Variants in PLD5 observed in about 807,000 individuals in gnomAD.
PLD5 encodes inactive phospholipase D5.
A neutral mutation model predicts 61.1 loss-of-function variants in PLD5; 36 were observed. The ratio of observed to expected loss-of-function variants is 0.59; its 90% CI spans 0.45 to 0.78. The LOEUF is 0.78. PLD5 is among the 30% of genes least tolerant of loss of function. The pLI is 0.00. For synonymous variants in PLD5, 243 were observed against 242.8 expected, an observed-to-expected ratio of 1.00 and a Z score of -0.01; for missense variants, 515 against 644.4, an observed-to-expected ratio of 0.80 and a Z score of 2.17.
intron 5 of PLD5, among the ~76,000 whole-genome samples, chr1:242,163,146 T>TA (rs1665984273): frequency 7.3e-6 from 1 of 137,014 alleles, no homozygotes; most frequent in Non-Finnish European, 1.6e-5. Context: ...TCTTTTCTTT[T>TA]CTTTCTTTTC....
chr1:242,381,409 AG>A (rs71570956), intron 1 of PLD5, among the ~76,000 whole-genome samples: 7 of 152,028 alleles, frequency 4.6e-5, no homozygotes, highest in South Asian at 4.1e-4. Flanking sequence ...GGGGTGAGGG[AG>A]GGGGAAGGAG....
chr1:242,228,643 A>G (rs536466455), intron 4 of PLD5, among the ~76,000 whole-genome samples: 10 of 149,946 alleles, frequency 6.7e-5, no homozygotes, highest in Non-Finnish European at 1.3e-4. Flanking sequence ...AGCTTCAGAG[A>G]ATGAGGGAGG....
chr1:242,182,595 C>T (rs573009389), intron 5 of PLD5, among the ~76,000 whole-genome samples: 1 of 152,294 alleles, frequency 6.6e-6, no homozygotes, highest in Non-Finnish European at 1.5e-5. Flanking sequence ...GTAATTCCAG[C>T]ACTTTGGGAG....
intron 1 of PLD5, among the ~76,000 whole-genome samples, chr1:242,475,441 A>AAG (rs1313264112): frequency 2.7e-5 from 4 of 150,128 alleles, no homozygotes; most frequent in African/African-American, 9.9e-5. Context: ...AAAAAAAAAA[A>AAG]GAAAACAATA....
At chr1:242,281,239 C>G (rs1481287431) in intron 3 of PLD5, among the ~76,000 whole-genome samples, 1 of 152,170 alleles carries the variant, frequency 6.6e-6, no homozygotes, top group African/African-American at 2.4e-5. Context: ...TTTGATGAAA[C>G]AAAAGCCCTT....
At chr1:242,360,339 A>T (rs1214179521) in intron 1 of PLD5, among the ~76,000 whole-genome samples, 1 of 152,136 alleles carries the variant, frequency 6.6e-6, no homozygotes. Flanking sequence ...AAAAAACATA[A>T]ATTTTGTAAT....
chr1:242,433,450 A>G (rs1292056917), intron 1 of PLD5, among the ~76,000 whole-genome samples: 1 of 152,230 alleles, frequency 6.6e-6, no homozygotes, highest in Non-Finnish European at 1.5e-5. Flanking sequence ...TTATGCAAAT[A>G]CAGCAATCTA....
At chr1:242,527,084 A>G (rs1669463246), upstream of PLD5, among the ~76,000 whole-genome samples, 1 of 139,394 alleles carries the variant, frequency 7.2e-6, no homozygotes, top group African/African-American at 2.7e-5. Flanking sequence ...GACTATACAT[A>G]GTGACTGCAG....
chr1:242,319,326 A>C (rs1658232397), intron 2 of PLD5, among the ~76,000 whole-genome samples: 3 of 151,332 alleles, frequency 2.0e-5, no homozygotes, highest in Admixed American at 2.0e-4. Context: ...TGACCTCCAG[A>C]CTGATTATTT....
At chr1:242,333,947 CTGCAATACACATGGGCA>C (rs1659347503) in intron 2 of PLD5, among the ~76,000 whole-genome samples, 1 of 152,154 alleles carries the variant, frequency 6.6e-6, no homozygotes, top group Non-Finnish European at 1.5e-5. Context: ...GTGAATAGTG[CTGCAATACACATGGGCA>C]TGCAGATAAC....
At position 242,224,548 on chromosome 1, in the gene PLD5, C is replaced by T. The variant is rs1377349955; in HGVS notation, c.608-4433G>A. ...GAAACATGGAGTAATTTATGAGAGCCGCTCGTCAATATTCACGGGGGTTAT... is the reference window on the plus strand; with the variant it reads ...GAAACATGGAGTAATTTATGAGAGCTGCTCGTCAATATTCACGGGGGTTAT... On this transcript the variant is annotated intron_variant, in intron 4 of 9. Transcript: ENST00000536534. Among the ~76,000 whole-genome samples the T allele has an allele frequency of 4.0e-5, 6 of 151,858 alleles. 1 individual carries two copies. Among genetic ancestry groups the T allele is most frequent in the South Asian group, 4.2e-4 (2 of 4,788 alleles).
chr1:242,151,540 A>G (rs1435955), intron 5 of PLD5, among the ~76,000 whole-genome samples: 127,969 of 151,938 alleles, frequency 0.84, 54,387 homozygotes, highest in African/African-American at 0.95. Flanking sequence ...TCTTGTCAAT[A>G]TTCCTATATG....
At chr1:242,385,378 G>C (rs185349599) in intron 1 of PLD5, among the ~76,000 whole-genome samples, 42 of 152,182 alleles carry the variant, frequency 2.8e-4, no homozygotes, top group Middle Eastern at 3.4e-3. Flanking sequence ...TAGATCGATT[G>C]TATTACCATT....
intron 2 of PLD5, among the ~76,000 whole-genome samples, chr1:242,336,572 C>T (rs1476928312): frequency 3.9e-5 from 6 of 152,148 alleles, no homozygotes; most frequent in African/African-American, 7.2e-5. Flanking sequence ...AAAAAAGGGA[C>T]TGATACATAA....
intron 4 of PLD5, among the ~76,000 whole-genome samples, chr1:242,241,118 A>G (rs1671972128): frequency 1.3e-5 from 2 of 152,094 alleles, no homozygotes; most frequent in African/African-American, 4.8e-5. Context: ...AGACTCACAA[A>G]ATGTAAAATT....
intron 3 of PLD5, among the ~76,000 whole-genome samples, chr1:242,284,843 T>C (rs896219588): frequency 6.6e-6 from 1 of 152,152 alleles, no homozygotes; most frequent in Non-Finnish European, 1.5e-5. Flanking sequence ...TTAATCCATT[T>C]AATTCCCAAA....
rs1054537691 is a variant in PLD5 at position 242,170,063 on chromosome 1, A to G, written c.736-45398T>C. 5.9e-5 allele frequency among the ~76,000 whole-genome samples: 9 copies of G among 152,344 alleles called. No individual in the cohort carries two copies. In the South Asian group the frequency reaches 1.9e-3, roughly 32 times the overall value. On this transcript the variant is annotated intron_variant, in intron 5 of 9. Coordinates refer to ENST00000536534, the MANE Select transcript of PLD5 (RefSeq NM_001372062.1). The stretch of plus-strand genomic sequence containing the variant: ...CTCTGAAGAGAGCAACAGACCTCTC[A>G]GCACAGGTTTGAGCTTTGCTAAAGG...
At chr1:242,245,873 T>A (rs905428131) in intron 4 of PLD5, among the ~76,000 whole-genome samples, 13 of 152,134 alleles carry the variant, frequency 8.5e-5, no homozygotes, top group African/African-American at 3.1e-4. Context: ...AGGCAGCACT[T>A]ACAAAGTGAA....
intron 2 of PLD5, among the ~76,000 whole-genome samples, chr1:242,333,988 G>A (rs1464207325): frequency 1.3e-5 from 2 of 152,114 alleles, no homozygotes; most frequent in Non-Finnish European, 2.9e-5. Context: ...TTGATATATT[G>A]ATTCCCTTTC....
Sources: allele counts gnomAD v4.1 joint callset (sites outside exome capture counted in the v4.1 genomes callset), GRCh38; gene constraint gnomAD v4.1.1; transcripts MANE v1.5; gene names NCBI Gene and HGNC (gene_info 2026-07-23, HGNC 2026-07-21).